ENTREP2: variants seen among roughly 807,000 people sequenced by gnomAD.
ENTREP2 encodes protein ENTREP2.
the ENTREP2 span, among the ~76,000 whole-genome samples, chr15:29,207,576 T>C: frequency 5.9e-5 from 9 of 152,242 alleles, no homozygotes; most frequent in Non-Finnish European, 8.8e-5. Flanking sequence ...TCCTGCTGAT[T>C]GGTGCATTTT....
At chr15:29,174,202 C>T in the ENTREP2 span, among the ~76,000 whole-genome samples, 2 of 152,188 alleles carry the variant, frequency 1.3e-5, no homozygotes, top group Non-Finnish European at 2.9e-5. Flanking sequence ...TGATGGGAGA[C>T]CCCCTGGGTC....
the ENTREP2 span, among the ~76,000 whole-genome samples, chr15:29,296,343 A>G: frequency 3.9e-4 from 60 of 152,204 alleles, no homozygotes; most frequent in Non-Finnish European, 1.5e-5. Context: ...TTTGGATTAT[A>G]GGATTGAGAG....
the ENTREP2 span, among the ~76,000 whole-genome samples, chr15:29,155,309 A>C: frequency 6.6e-6 from 1 of 151,316 alleles, no homozygotes; most frequent in African/African-American, 2.4e-5. Flanking sequence ...AAAAAGAAGA[A>C]GCGTTAGGCA....
chr15:29,124,625 C>A, the ENTREP2 span: 1 of 1,434,412 alleles, frequency 7.0e-7, no homozygotes, highest in Non-Finnish European at 9.6e-7. Context: ...CAAGGACCCA[C>A]CAACACCCGC....
chr15:29,198,033 C>G, the ENTREP2 span, among the ~76,000 whole-genome samples: 1 of 152,156 alleles, frequency 6.6e-6, no homozygotes, highest in Admixed American at 6.5e-5. Context: ...CTCCTAAATA[C>G]TGGGGGAGGG....
chr15:29,670,294 C>A, the ENTREP2 span, among the ~76,000 whole-genome samples: 1 of 152,124 alleles, frequency 6.6e-6, no homozygotes, highest in Non-Finnish European at 1.5e-5. Context: ...GTTCCAGAGG[C>A]AAGTCCACTC....
the ENTREP2 span, among the ~76,000 whole-genome samples, chr15:29,620,291 T>C: frequency 2.0e-5 from 3 of 152,186 alleles, no homozygotes; most frequent in Admixed American, 2.0e-4. Context: ...ATGAACTACC[T>C]GGCCCAGCAG....
the ENTREP2 span, among the ~76,000 whole-genome samples, chr15:29,183,545 G>C: frequency 6.3e-3 from 966 of 152,314 alleles, 6 homozygotes; most frequent in African/African-American, 0.021. Context: ...CCATGAACAG[G>C]AGATGGAGAA....
At chr15:29,666,936 C>T in the ENTREP2 span, among the ~76,000 whole-genome samples, 1 of 152,158 alleles carries the variant, frequency 6.6e-6, no homozygotes, top group Non-Finnish European at 1.5e-5. Context: ...CTGGTGGTTC[C>T]CATAAACCTG....
the ENTREP2 span, among the ~76,000 whole-genome samples, chr15:29,325,823 CT>C: frequency 6.6e-6 from 1 of 152,080 alleles, no homozygotes; most frequent in African/African-American, 2.4e-5. Flanking sequence ...ACCAAGATCT[CT>C]CATGGACATA....
chr15:29,493,448 C>G, the ENTREP2 span, among the ~76,000 whole-genome samples: 2 of 151,856 alleles, frequency 1.3e-5, no homozygotes. Context: ...CTCTTTTTAC[C>G]TCATAAAGAG....
chr15:29,530,519 C>T, the ENTREP2 span, among the ~76,000 whole-genome samples: 1 of 152,158 alleles, frequency 6.6e-6, no homozygotes, highest in Non-Finnish European at 1.5e-5. Context: ...ATCGATCAAG[C>T]GAACTCCAAC....
the ENTREP2 span, among the ~76,000 whole-genome samples, chr15:29,666,970 C>T: frequency 7.2e-5 from 11 of 152,054 alleles, no homozygotes; most frequent in Admixed American, 5.9e-4. Context: ...TTTATAGACG[C>T]GTCATTCCAA....
chr15:29,319,413 C>T, the ENTREP2 span, among the ~76,000 whole-genome samples: 2 of 152,154 alleles, frequency 1.3e-5, no homozygotes, highest in Admixed American at 6.5e-5. Flanking sequence ...GTTCAAGTGC[C>T]ATCTAATTCC....
At chr15:29,157,393 G>C in the ENTREP2 span, among the ~76,000 whole-genome samples, 2 of 152,192 alleles carry the variant, frequency 1.3e-5, no homozygotes, top group Non-Finnish European at 2.9e-5. Context: ...CTACAGAAGA[G>C]GGCATTTCTT....
At chr15:29,195,383 G>T in the ENTREP2 span, 1 of 950,142 alleles carries the variant, frequency 1.1e-6, no homozygotes, top group Non-Finnish European at 1.3e-6. Context: ...CCTCTCCCCA[G>T]ATCCGAGGTG....
chr15:29,326,591 T>C, the ENTREP2 span, among the ~76,000 whole-genome samples: 1 of 152,144 alleles, frequency 6.6e-6, no homozygotes, highest in Non-Finnish European at 1.5e-5. Flanking sequence ...TATAGAGATA[T>C]TCCATGTTCA....
At chr15:29,334,481 A>G in the ENTREP2 span, among the ~76,000 whole-genome samples, 1 of 152,232 alleles carries the variant, frequency 6.6e-6, no homozygotes, top group South Asian at 2.1e-4. Flanking sequence ...GCATGTTTTC[A>G]TAGTTCGAGG....
chr15:29,135,369 C>A, the ENTREP2 span, among the ~76,000 whole-genome samples: 1 of 152,126 alleles, frequency 6.6e-6, no homozygotes, highest in Non-Finnish European at 1.5e-5. This position sits in a 1 kb window ranked among gnomAD's most constrained non-coding sequence, Gnocchi z 7.4. Context: ...TTCAGGGACA[C>A]CAGTGAGCTG....
Sources: allele counts gnomAD v4.1 joint callset (sites outside exome capture counted in the v4.1 genomes callset), GRCh38; gene constraint gnomAD v4.1.1; non-coding constraint Gnocchi (gnomAD v3.1); transcripts MANE v1.5; gene names NCBI Gene and HGNC (gene_info 2026-07-23, HGNC 2026-07-21).